Variants in NT5C3A observed in about 807,000 individuals in gnomAD.
NT5C3A encodes 5'-nucleotidase, cytosolic IIIA.
A neutral mutation model predicts 40.0 loss-of-function variants in NT5C3A; 23 were observed. The observed-to-expected ratio is 0.58, with a 90% confidence interval of 0.41 to 0.81. The LOEUF (loss-of-function observed/expected upper bound fraction) is 0.81. Ranked by LOEUF, NT5C3A falls within the 40% of genes least tolerant of loss-of-function variation. NT5C3A has a pLI of 0.00. For synonymous variants in NT5C3A, 130 were observed against 141.4 expected (o/e 0.92, Z 0.57); for missense variants, 328 against 403.0 (o/e 0.81, Z 1.59).
At chr7:33,027,154 C>G in intron 1 of NT5C3A, 1 of 412,942 alleles carries the variant, frequency 2.4e-6, no homozygotes, top group South Asian at 2.2e-5. Flanking sequence ...ACCGTAGCCT[C>G]AAACTCCTGG....
At chr7:33,024,756 CT>C (rs1785825003) in intron 2 of NT5C3A, among the ~76,000 whole-genome samples, 3 of 152,144 alleles carry the variant, frequency 2.0e-5, no homozygotes, top group Non-Finnish European at 2.9e-5. Flanking sequence ...CCTAATTACC[CT>C]GATTTGATTA....
chr7:33,053,593 C>T (rs867067385), intron 1 of NT5C3A, among the ~76,000 whole-genome samples: 1 of 151,758 alleles, frequency 6.6e-6, no homozygotes, highest in Non-Finnish European at 1.5e-5. Flanking sequence ...CCCAGGAGGT[C>T]GAGGTTGCAA....
chr7:33,015,496 G>A (rs1330682427), intron 8 of NT5C3A, among the ~76,000 whole-genome samples, 174 bp downstream of exon 8: 1 of 152,084 alleles, frequency 6.6e-6, no homozygotes, highest in Admixed American at 6.6e-5. Flanking sequence ...CGGGAAGGTC[G>A]AGGCTGCAGT....
intron 5 of NT5C3A, among the ~76,000 whole-genome samples, chr7:33,020,158 T>C (rs1408553286): frequency 1.3e-5 from 2 of 152,198 alleles, no homozygotes; most frequent in African/African-American, 4.8e-5. Context: ...ATCTTTGTTA[T>C]GGCAAGTGTC....
chr7:33,047,988 A>C (rs2128014451), intron 1 of NT5C3A, among the ~76,000 whole-genome samples: 1 of 110,974 alleles, frequency 9.0e-6, no homozygotes, highest in East Asian at 2.2e-4. Context: ...CCTGGCTTTT[A>C]TATGTGTATG....
At chr7:33,031,097 C>CAA (rs760629819) in intron 1 of NT5C3A, among the ~76,000 whole-genome samples, 2 of 44,076 alleles carry the variant, frequency 4.5e-5, no homozygotes, top group South Asian at 7.6e-4. Flanking sequence ...GACTCTGCCT[C>CAA]AAAAAAAAAC....
At chr7:33,020,233 C>T (rs748282184) in intron 5 of NT5C3A, among the ~76,000 whole-genome samples, 1 of 151,900 alleles carries the variant, frequency 6.6e-6, no homozygotes. Flanking sequence ...TATAAAGGGC[C>T]CTTAGACTCT....
chr7:33,052,109 A>G (rs1787392807), intron 1 of NT5C3A, among the ~76,000 whole-genome samples: 1 of 152,056 alleles, frequency 6.6e-6, no homozygotes, highest in African/African-American at 2.4e-5. Context: ...TGACATAAGG[A>G]TATACATGTG....
At chr7:33,057,504 C>T (rs1386159702) in intron 1 of NT5C3A, among the ~76,000 whole-genome samples, 8 of 151,858 alleles carry the variant, frequency 5.3e-5, no homozygotes, top group South Asian at 2.1e-4. Flanking sequence ...CCTGGGTGAT[C>T]GAGTGAGACC....
At chr7:33,053,726 A>T (rs1440171979) in intron 1 of NT5C3A, among the ~76,000 whole-genome samples, 1 of 152,152 alleles carries the variant, frequency 6.6e-6, no homozygotes, top group Non-Finnish European at 1.5e-5. Flanking sequence ...GTCAGAAAAA[A>T]ATTTGTGAAT....
At chr7:33,020,300 GA>G (rs368452692) in intron 5 of NT5C3A, among the ~76,000 whole-genome samples, 2 of 151,006 alleles carry the variant, frequency 1.3e-5, no homozygotes, top group Non-Finnish European at 3.0e-5. Context: ...GAAACGAAAA[GA>G]AAAAAAAGCC....
chr7:33,025,486 C>G (rs1785873286), intron 2 of NT5C3A, among the ~76,000 whole-genome samples: 1 of 151,892 alleles, frequency 6.6e-6, no homozygotes, highest in Admixed American at 6.6e-5. Context: ...ACAGAATATC[C>G]AGATTGTTGA....
chr7:33,020,488 T>A (rs980779944), intron 5 of NT5C3A, among the ~76,000 whole-genome samples: 3 of 152,192 alleles, frequency 2.0e-5, no homozygotes, highest in African/African-American at 7.2e-5. Flanking sequence ...AAATCAATCT[T>A]CTTATATCTT....
intron 1 of NT5C3A, among the ~76,000 whole-genome samples, chr7:33,040,054 G>T (rs1185809852): frequency 6.6e-6 from 1 of 151,998 alleles, no homozygotes; most frequent in Non-Finnish European, 1.5e-5. Context: ...AATTTATACT[G>T]ACAACCCTTA....
At chr7:33,060,471 G>A (rs1395688795) in intron 1 of NT5C3A, among the ~76,000 whole-genome samples, 1 of 143,916 alleles carries the variant, frequency 6.9e-6, no homozygotes, top group Non-Finnish European at 1.5e-5. Flanking sequence ...AGCCATGACT[G>A]GCTTCTTCTG....
chr7:33,048,971 C>A (rs1052870753), intron 1 of NT5C3A, among the ~76,000 whole-genome samples: 2 of 151,982 alleles, frequency 1.3e-5, no homozygotes, highest in African/African-American at 4.8e-5. Flanking sequence ...GTAAGTTGAA[C>A]AAAATTAGCT....
intron 1 of NT5C3A, chr7:33,029,454 T>G (rs1485740463): frequency 2.8e-6 from 1 of 358,118 alleles, no homozygotes; most frequent in East Asian, 7.4e-5. Context: ...GTTTATCTCT[T>G]GACAACTAAT....
At chr7:33,024,406 C>T (rs139656432) in intron 2 of NT5C3A, among the ~76,000 whole-genome samples, 80 of 152,312 alleles carry the variant, frequency 5.3e-4, no homozygotes, top group African/African-American at 1.9e-3. Flanking sequence ...TCTGCAGCAA[C>T]ATGGGCGAGC....
At chr7:33,033,146 G>A (rs1027300903) in intron 1 of NT5C3A, among the ~76,000 whole-genome samples, 6 of 152,188 alleles carry the variant, frequency 3.9e-5, no homozygotes, top group African/African-American at 4.8e-5. Flanking sequence ...ATTCCAGTCA[G>A]ATGTTCTCAG....
Sources: allele counts gnomAD v4.1 joint callset (sites outside exome capture counted in the v4.1 genomes callset), GRCh38; gene constraint gnomAD v4.1.1; transcripts MANE v1.5; gene names NCBI Gene and HGNC (gene_info 2026-07-23, HGNC 2026-07-21).